Variants in DAB1 observed in about 807,000 individuals in gnomAD.
DAB1 encodes disabled homolog 1.
DAB1 carries 15 observed loss-of-function variants against 64.6 expected under a neutral mutation model. That is an observed-to-expected ratio of 0.23 (90% CI 0.16 to 0.36). The LOEUF (loss-of-function observed/expected upper bound fraction) is 0.36. DAB1 is among the 10% of genes least tolerant of loss of function. DAB1 has a pLI of 1.00. For synonymous variants in DAB1, 235 were observed against 251.9 expected, an observed-to-expected ratio of 0.93 and a Z score of 0.64; for missense variants, 596 against 706.7, an observed-to-expected ratio of 0.84 and a Z score of 1.78.
At chr1:57,036,525 A>G (rs1279606979) in intron 9 of DAB1, among the ~76,000 whole-genome samples, 2 of 152,210 alleles carry the variant, frequency 1.3e-5, no homozygotes, top group Non-Finnish European at 2.9e-5. Flanking sequence ...ATTCTTATAG[A>G]CAAAAACTGA....
intron 3 of DAB1, among the ~76,000 whole-genome samples, chr1:58,355,665 C>G (rs1044408887): frequency 6.6e-6 from 1 of 152,176 alleles, no homozygotes; most frequent in Non-Finnish European, 1.5e-5. Context: ...CATCTGCCCC[C>G]TGGAGACCTC....
chr1:58,435,992 C>G lies in DAB1; in HGVS notation n.257+70068G>C, dbSNP rs558312456. ...TCTCAGACTAGTCATGATCTTTCCT[C>G]CTGGCATAGAAGCCATCCCCAGCAC... On this transcript the variant is annotated intron_variant and non_coding_transcript_variant, in intron 3 of 20. Transcript: ENST00000485760. Among the ~76,000 whole-genome samples, 5 of 152,318 alleles carry G rather than the reference C, an allele frequency of 3.3e-5. No homozygotes were observed. In the East Asian group the frequency reaches 9.6e-4, roughly 29 times the overall value.
In DAB1 at chr1:57,118,759, T is replaced by C. The variant is rs1040381996; in HGVS notation, c.306+17784A>G. ...ATCACTTACTGCATGCCAAACACTG[T>C]TCTAGGCACTTTACATATATTACCT... On this transcript the variant is annotated intron_variant, in intron 4 of 14. Coordinates refer to ENST00000371236, the MANE Select transcript of DAB1 (RefSeq NM_001365792.1). 7.9e-5 allele frequency among the ~76,000 whole-genome samples: 12 copies of C among 152,320 alleles called. No individual in the cohort carries two copies. The South Asian group carries it at 2.5e-3, about 32-fold the overall frequency.
intron 1 of DAB1, among the ~76,000 whole-genome samples, chr1:57,342,349 T>C (rs1677659525): frequency 6.6e-6 from 1 of 152,200 alleles, no homozygotes; most frequent in Non-Finnish European, 1.5e-5. Context: ...TATAAGAATG[T>C]TTTTATGTGT....
At chr1:57,004,094 G>A (rs568746676) in intron 14 of DAB1, among the ~76,000 whole-genome samples, 18 of 152,140 alleles carry the variant, frequency 1.2e-4, no homozygotes, top group African/African-American at 2.2e-4. Context: ...CTCCTTTTCC[G>A]CATGAAGAAA....
chr1:58,363,878 G>A (rs1484258227), intron 3 of DAB1, among the ~76,000 whole-genome samples: 1 of 152,178 alleles, frequency 6.6e-6, no homozygotes, highest in East Asian at 1.9e-4. Flanking sequence ...CTCCCTTCTA[G>A]CCCCGGAAAG....
At chr1:58,058,011 CACA>C (rs1648248078) in intron 5 of DAB1, among the ~76,000 whole-genome samples, 1 of 152,214 alleles carries the variant, frequency 6.6e-6, no homozygotes, top group African/African-American at 2.4e-5. Context: ...TTTTTGCCAT[CACA>C]ACACCTATCA....
intron 7 of DAB1, among the ~76,000 whole-genome samples, chr1:57,463,474 G>A (rs1423196179): frequency 1.3e-5 from 2 of 152,080 alleles, no homozygotes; most frequent in Non-Finnish European, 2.9e-5. Flanking sequence ...GGAGGCATAA[G>A]GAAGAAATTC....
intron 3 of DAB1, among the ~76,000 whole-genome samples, chr1:58,353,485 G>C (rs1644078767): frequency 6.6e-6 from 1 of 152,182 alleles, no homozygotes; most frequent in African/African-American, 2.4e-5. Context: ...TTCTGCTTTA[G>C]GAACCACAGA....
chr1:57,086,008 A>T (rs373291598), intron 4 of DAB1, among the ~76,000 whole-genome samples: 1 of 152,222 alleles, frequency 6.6e-6, no homozygotes, highest in African/African-American at 2.4e-5. Context: ...AGCATGTTAT[A>T]TAGGCAACTG....
chr1:58,445,430 G>A (rs1406301293), intron 3 of DAB1, among the ~76,000 whole-genome samples: 1 of 152,204 alleles, frequency 6.6e-6, no homozygotes, highest in African/African-American at 2.4e-5. Context: ...GTTCTGCAGA[G>A]GCCAGGCACT....
chr1:57,922,955 C>T (rs1159152265), intron 5 of DAB1, among the ~76,000 whole-genome samples: 1 of 150,914 alleles, frequency 6.6e-6, no homozygotes, highest in Non-Finnish European at 1.5e-5. Context: ...TTCTTCTCTT[C>T]CTCCCTTTCT....
intron 2 of DAB1, among the ~76,000 whole-genome samples, chr1:57,186,677 C>T (rs1663598858): frequency 6.6e-6 from 1 of 152,192 alleles, no homozygotes; most frequent in Non-Finnish European, 1.5e-5. Context: ...CCCACAGAGG[C>T]ATATTATTTG....
At chr1:58,527,205 G>A (rs1305892839) in intron 2 of DAB1, 5 of 841,222 alleles carry the variant, frequency 5.9e-6, no homozygotes, top group South Asian at 1.3e-5. Flanking sequence ...AATAACACAC[G>A]TTTATCTTTC....
intron 7 of DAB1, among the ~76,000 whole-genome samples, chr1:57,552,832 A>G (rs746755717): frequency 6.6e-6 from 1 of 152,148 alleles, no homozygotes; most frequent in Non-Finnish European, 1.5e-5. Flanking sequence ...CTGATGGGGG[A>G]AGAATCAGAG....
intron 1 of DAB1, among the ~76,000 whole-genome samples, chr1:57,326,283 G>T (rs922944930): frequency 1.5e-4 from 23 of 152,204 alleles, no homozygotes; most frequent in African/African-American, 5.5e-4. Context: ...CAGATGAAAT[G>T]CTCATGCTCT....
intron 9 of DAB1, among the ~76,000 whole-genome samples, chr1:57,035,553 G>A (rs1192288506): frequency 1.3e-5 from 2 of 152,144 alleles, no homozygotes; most frequent in African/African-American, 4.8e-5. Context: ...CTGAGCAGAT[G>A]AACAAATGCA....
intron 2 of DAB1, among the ~76,000 whole-genome samples, chr1:57,275,310 G>C (rs977477825): frequency 6.6e-6 from 1 of 152,124 alleles, no homozygotes; most frequent in Non-Finnish European, 1.5e-5. Context: ...ACAAATAATG[G>C]AATCCTAATA....
chr1:57,860,167 G>A (rs1247726121), intron 1 of DAB1, among the ~76,000 whole-genome samples: 6 of 152,146 alleles, frequency 3.9e-5, no homozygotes, highest in Admixed American at 2.0e-4. Flanking sequence ...TGTATTTCAC[G>A]AATGTAACAC....
Sources: gnomAD v4.1 joint callset for allele counts (sites outside exome capture counted in the v4.1 genomes callset) on GRCh38, gnomAD v4.1.1 for gene constraint, MANE v1.5 for transcripts, NCBI Gene and HGNC (gene_info 2026-07-23, HGNC 2026-07-21) for gene names.